The following MUC6 variants were observed in gnomAD, a reference collection of about 807,000 sequenced individuals.
The protein encoded by MUC6 is mucin-6.
A neutral mutation model predicts 201.5 loss-of-function variants in MUC6; 188 were observed. The observed-to-expected ratio is 0.93, with a 90% CI of 0.83 to 1.05. The LOEUF (loss-of-function observed/expected upper bound fraction) is 1.05, where lower values mean the gene tolerates loss of function less well. MUC6 is among the 50% of genes least tolerant of loss of function. MUC6 has a pLI of 0.00. For synonymous variants in MUC6, 1,228 were observed against 1,389.4 expected, an observed-to-expected ratio of 0.88 and a Z score of 2.58; for missense variants, 2,706 against 3,256.9, an observed-to-expected ratio of 0.83 and a Z score of 4.12.
intron 27 of MUC6, 36 bp downstream of exon 27, chr11:1,021,179 A>G: frequency 6.5e-7 from 1 of 1,529,508 alleles, no homozygotes; most frequent in Non-Finnish European, 8.8e-7. Flanking sequence ...GCATGCAGGC[A>G]GGGGCAGGGT....
chr11:1,016,549 A>G lies in MUC6; in HGVS notation c.6252T>C (p.Ser2084=). The change falls in exon 31 of 33, where the codon TCT becomes TCC. Residue 2084 remains serine (S), a synonymous_variant. Transcript: ENST00000421673. ...AAGACGAGGAGGATATGAAGGAAGA[A>G]GAGGCTGTAGCTGTGCTGAATGAGC... is the stretch of plus-strand genomic sequence containing the variant. ...THSSFSTATA[S]SSFISSSSWL... 6.4e-7 allele frequency: 1 copy of G among 1,567,612 alleles called. No homozygotes were observed. The highest frequency in any genetic ancestry group is 8.6e-7 in the Non-Finnish European group (1 of 1,160,990).
chr11:1,025,742 C>G, intron 22 of MUC6, 63 bp downstream of exon 22: 1 of 1,441,786 alleles, frequency 6.9e-7, no homozygotes, highest in South Asian at 1.2e-5. Flanking sequence ...GCGCGGGATC[C>G]AGCTGTGTGG....
In MUC6 at chr11:1,016,457, C is replaced by T. The variant is rs905565696; in HGVS notation, c.6344G>A (p.Ser2115Asn). 1 of 1,613,872 alleles carries T rather than the reference C, an allele frequency of 6.2e-7. No individual in the cohort carries two copies. Among genetic ancestry groups the T allele is most frequent in the Non-Finnish European group, 8.5e-7 (1 of 1,179,862 alleles). Residue 2115 changes from serine (S) to asparagine (N), a missense_variant, in exon 31 of 33, where the codon AGT (serine) becomes AAT (asparagine). Ser to Asn is a conservative substitution (Grantham distance 46). Around this residue, in one of 10 missense-constraint regions of MUC6, gnomAD observed 586 missense variants for 488.0 expected, o/e 1.20. Transcript: ENST00000421673. ...TGTGGAAACAGGAGTGGTTGCAGAA[C>T]TCAAGTGGGGGAGTTGTGTGGTGAT... The part of the protein sequence containing the change: ...SPITTQLPHL[S>N]SATTPVSTTN...
At position 1,025,296 on chromosome 11, in the gene MUC6, C is replaced by A. The variant is rs1429491911; in HGVS notation, c.2871G>T (p.Val957=). The A allele has an allele frequency of 1.2e-6, 2 of 1,612,604 alleles. No individual in the cohort carries two copies. Among genetic ancestry groups the A allele is most frequent in the Admixed American group, 3.3e-5 (2 of 60,012 alleles). The change falls in exon 23 of 33, where the codon GTG becomes GTT. Residue 957 remains valine, a synonymous_variant. Transcript: ENST00000421673. ...CGACAAGGCTCAGCGCACCCGGCGT[C>A]ACCCCGAGCTGCACGTGGGGCTCCT... ...TGEEPHVQLG[V]TPGALSLVVD...
At position 1,019,370 on chromosome 11, in the gene MUC6, G is replaced by T. The variant is rs1432152003; in HGVS notation, c.3935C>A (p.Thr1312Asn). Residue 1312 changes from threonine to asparagine, a missense_variant, in exon 30 of 33, where the codon ACC (threonine) becomes AAC (asparagine). Coordinates refer to ENST00000421673, the MANE Select transcript of MUC6 (RefSeq NM_005961.3). ...TQATTRATAS[T>N]ASPATTSTAQ... The stretch of plus-strand genomic sequence containing the variant: ...TGTGGACGTCGTGGCTGGGCTGGCG[G>T]TCGACGCCGTGGCCCTGGTTGTGGC... 1.9e-6 allele frequency: 3 copies of T among 1,613,698 alleles called. No homozygotes were observed. In the African/African-American group the frequency reaches 4.0e-5, roughly 22 times the overall value.
At chr11:1,031,115 C>CCGGGG in intron 5 of MUC6, 54 bp downstream of exon 5, 3 of 1,395,076 alleles carry the variant, frequency 2.2e-6, no homozygotes, top group Non-Finnish European at 2.9e-6. Context: ...CCCCCCTGCC[C>CCGGGG]TGCCCCCCAC....
intron 3 of MUC6, 29 bp downstream of exon 3, chr11:1,031,783 AG>A (rs1462855662): frequency 1.3e-6 from 2 of 1,562,134 alleles, no homozygotes; most frequent in Non-Finnish European, 1.7e-6. Flanking sequence ...CCGGCCCCCG[AG>A]CCCCCGGGCC....
Position 1,025,120 on chromosome 11 carries a change from T to A in MUC6, c.2986-37A>T, listed in dbSNP as rs1441938224. On this transcript the variant is annotated intron_variant, in intron 23 of 32. Transcript: ENST00000421673. ...GGCATCAGGCCGGGCCCAGGGGCCGTGCCATCTGTCTCCACCCCTGCATCA... is the reference window on the plus strand; with the variant it reads ...GGCATCAGGCCGGGCCCAGGGGCCGAGCCATCTGTCTCCACCCCTGCATCA... The A allele has an allele frequency of 1.9e-6, 3 of 1,612,118 alleles. No individual in the cohort carries two copies. In the South Asian group the frequency reaches 3.3e-5, roughly 18 times the overall value.
intron 31 of MUC6, among the ~76,000 whole-genome samples, chr11:1,014,431 G>A (rs886503456): frequency 5.9e-5 from 9 of 152,300 alleles, no homozygotes; most frequent in Non-Finnish European, 1.3e-4. Flanking sequence ...GGGACATATG[G>A]TGTTGCAGGA....
intron 30 of MUC6, 63 bp downstream of exon 30, chr11:1,019,212 G>A: frequency 2.0e-6 from 3 of 1,519,602 alleles, no homozygotes; most frequent in Non-Finnish European, 2.7e-6. Flanking sequence ...ATCACTGAAT[G>A]TGAGCTGGTG....
At chr11:1,020,365 A>G in intron 28 of MUC6, 108 bp from the exon 29 acceptor site, 2 of 1,387,818 alleles carry the variant, frequency 1.4e-6, no homozygotes, top group Non-Finnish European at 1.9e-6. Flanking sequence ...TGCAGGGGCC[A>G]ATGATGTGCA....
Position 1,018,071 on chromosome 11 carries a change from G to T in MUC6, c.4730C>A (p.Ser1577Tyr), listed in dbSNP as rs1211767515. 5 of 1,612,736 alleles carry T rather than the reference G, an allele frequency of 3.1e-6. No homozygotes were observed. Among genetic ancestry groups the T allele is most frequent in the Middle Eastern group, 1.6e-4 (1 of 6,076 alleles). The change falls in exon 31 of 33, where the codon TCC becomes TAC. Residue 1577 changes from serine (S) to tyrosine (Y), a missense_variant. Around this residue, in one of 10 missense-constraint regions of MUC6, gnomAD observed 128 missense variants for 206.5 expected, o/e 0.62. Transcript: ENST00000421673. Reference protein sequence around the residue: ...SRPPPPFTTHSPPTGSSPFSS... With the variant: ...SRPPPPFTTHYPPTGSSPFSS... ...GAAGGGACTGCTCCCTGTAGGTGGG[G>T]AGTGTGTGGTGAAGGGTGGTGGTGG...
At position 1,023,412 on chromosome 11, in the gene MUC6, ATGTG is replaced by A. The variant is rs985718225; in HGVS notation, c.3526+93_3526+96del. ...TGTGTGAATTAATGAGCATGAATGA[ATGTG>A]TGAATGAATGAATGCGTGTGAATGA... On this transcript the variant is annotated intron_variant, in intron 26 of 32. Coordinates refer to ENST00000421673, the MANE Select transcript of MUC6 (RefSeq NM_005961.3). The A allele has an allele frequency of 1.8e-4, 258 of 1,398,638 alleles. No individual in the cohort carries two copies. The African/African-American group carries it at 2.1e-3, about 12-fold the overall frequency. 86.6% of individuals were successfully genotyped at this position (1,398,638 alleles called of 1,614,324 possible). A position where few individuals can be genotyped will look rare whatever the true frequency, so the allele number is the denominator to read the frequency against.
intron 6 of MUC6, 45 bp downstream of exon 6, chr11:1,030,902 C>T (rs1446714896): frequency 6.5e-7 from 1 of 1,540,508 alleles, no homozygotes. Flanking sequence ...TCTCGGCGAC[C>T]CTGTCAGACC....
In MUC6 at chr11:1,028,407, G is replaced by A; in HGVS notation, c.1592-20C>T. The A allele has an allele frequency of 6.2e-7, 1 of 1,608,908 alleles. No individual in the cohort carries two copies. The highest frequency in any genetic ancestry group is 2.2e-5 in the East Asian group (1 of 44,816). ...AGAGCCCTGAGCCGGCGGGGCGTGA[G>A]CTCGACTTGAACCCATCCCTCCTGC... On this transcript the variant is annotated intron_variant, in intron 13 of 32. Coordinates refer to ENST00000421673, the MANE Select transcript of MUC6 (RefSeq NM_005961.3).
In MUC6 at chr11:1,028,932, C is replaced by T. The variant is rs776489529; in HGVS notation, c.1410G>A (p.Val470=). The T allele has an allele frequency of 2.6e-5, 42 of 1,612,918 alleles. No individual in the cohort carries two copies. The highest frequency in any genetic ancestry group is 3.3e-5 in the Non-Finnish European group (39 of 1,179,894). ...QDKIVISQDE[V]VTNNGEAKWL... ...ACTTGGCTTCTCCGTTGTTGGTGAC[C>T]ACCTCGTCCTGAGAGATCACAATTT... Residue 470 remains valine, a synonymous_variant, in exon 12 of 33, where the codon GTG becomes GTA. Transcript: ENST00000421673.
intron 31 of MUC6, 34 bp from the exon 32 acceptor site, chr11:1,014,035 G>T: frequency 6.4e-7 from 1 of 1,557,784 alleles, no homozygotes; most frequent in East Asian, 2.3e-5. Context: ...CAGCGCCCAG[G>T]GTGGGCATGG....
Position 1,029,238 on chromosome 11 carries a change from A to G in MUC6, c.1265T>C (p.Ile422Thr), listed in dbSNP as rs1166674588. Residue 422 changes from isoleucine (I) to threonine (T), a missense_variant, in exon 10 of 33, where the codon ATC becomes ACC. By Grantham distance (89) the Ile-to-Thr change is moderately conservative. Transcript: ENST00000421673. ...CAGGGCTCGTCCTACCTGGAGGAGG[A>G]TGTAGGTGCAGGTGCCGTGGAAGCG... ...PYRFHGTCTY[I>T]LLQSPQLPED... 1 of 1,607,636 alleles carries G rather than the reference A, an allele frequency of 6.2e-7. No homozygotes were observed. Among genetic ancestry groups the G allele is most frequent in the Non-Finnish European group, 8.5e-7 (1 of 1,177,794 alleles).
Position 1,032,889 on chromosome 11 carries a change from G to A in MUC6, c.115+124C>T, listed in dbSNP as rs544783610. ...TGGGTGTATGTGCATGTGTGTTCAT[G>A]TTGGTGCATATATGTGTGTTGGATG... On this transcript the variant is annotated intron_variant, in intron 2 of 32. Coordinates refer to ENST00000421673, the MANE Select transcript of MUC6 (RefSeq NM_005961.3). 43 of 761,264 alleles carry A rather than the reference G, an allele frequency of 5.6e-5. No individual in the cohort carries two copies. The Admixed American group carries it at 6.6e-4, about 12-fold the overall frequency. The allele number at this position is 761,264 out of a possible 1,614,324, so 47.2% of individuals were successfully genotyped here. A position where few individuals can be genotyped will look rare whatever the true frequency, so the allele number is the denominator to read the frequency against.
Sources: gnomAD v4.1 joint callset for allele counts (sites outside exome capture counted in the v4.1 genomes callset) on GRCh38, gnomAD v4.1.1 for gene constraint, gnomAD v4.1.1 regional missense constraint, MANE v1.5 for transcripts, NCBI Gene and HGNC (gene_info 2026-07-23, HGNC 2026-07-21) for gene names.